Variants in MTR observed in about 807,000 individuals in gnomAD.
MTR encodes 5-methyltetrahydrofolate-homocysteine methyltransferase.
A neutral mutation model predicts 154.8 loss-of-function variants in MTR; 84 were observed. The observed-to-expected ratio is 0.54, with a 90% CI of 0.45 to 0.65. The LOEUF (loss-of-function observed/expected upper bound fraction) is 0.65, where lower values mean the gene tolerates loss of function less well. Among genes scored for constraint, MTR ranks in the 30% least tolerant of loss-of-function variants. The pLI is 0.00. For synonymous variants in MTR, 554 were observed against 553.9 expected, an observed-to-expected ratio of 1.00 and a Z score of 0.00; for missense variants, 1,275 against 1,570.2, an observed-to-expected ratio of 0.81 and a Z score of 3.18.
intron 5 of MTR, among the ~76,000 whole-genome samples, chr1:236,811,962 C>G (rs1389684380): frequency 6.6e-6 from 1 of 152,224 alleles, no homozygotes; most frequent in African/African-American, 2.4e-5. Context: ...CTTACTGCAG[C>G]CTCCACCTCC....
intron 1 of MTR, among the ~76,000 whole-genome samples, chr1:236,798,641 C>G (rs928179130): frequency 6.6e-6 from 1 of 152,158 alleles, no homozygotes; most frequent in Non-Finnish European, 1.5e-5. Flanking sequence ...AAAAATATTT[C>G]TGAAATAGTG....
intron 22 of MTR, among the ~76,000 whole-genome samples, chr1:236,870,300 G>A (rs968246655): frequency 3.9e-5 from 6 of 152,168 alleles, no homozygotes; most frequent in Non-Finnish European, 7.3e-5. Flanking sequence ...GTTCTTGGTC[G>A]TTTTCTTACC....
chr1:236,876,711 A>G lies in MTR; in HGVS notation c.2594+1865A>G, dbSNP rs16834501. Reference sequence around the variant, plus strand: ...TACTATGTAAAAGCTACCAGATTAAAGAAAAAAAAACATTGAGAAGCAACG... The same window carrying G: ...TACTATGTAAAAGCTACCAGATTAAGGAAAAAAAAACATTGAGAAGCAACG... On this transcript the variant is annotated intron_variant, in intron 24 of 32. Coordinates refer to ENST00000366577, the MANE Select transcript of MTR (RefSeq NM_000254.3). 7.0e-3 allele frequency among the ~76,000 whole-genome samples: 600 copies of G among 85,570 alleles called. 4 individuals carry two copies. Among genetic ancestry groups the G allele is most frequent in the African/African-American group, 0.027 (581 of 21,512 alleles). The allele number at this position is 85,570 out of a possible 152,430, so 56.1% of individuals were successfully genotyped here.
chr1:236,824,183 T>C lies in MTR; in HGVS notation c.829T>C (p.Cys277Arg). 1.2e-6 allele frequency: 2 copies of C among 1,614,014 alleles called. No individual in the cohort carries two copies. Among genetic ancestry groups the C allele is most frequent in the Middle Eastern group, 1.6e-4 (1 of 6,062 alleles). Residue 277 changes from cysteine to arginine, a missense_variant, in exon 9 of 33, where the codon TGT becomes CGT. Physicochemically the swap from Cys to Arg is radical, Grantham distance 180 (BLOSUM62 -3). Transcript: ENST00000366577. ...ACCTTTTATTGAAATAATTGGAAAA[T>C]GTACAACAGCCTATGTCCTCTGTTA... The part of the protein sequence containing the change: ...MRPFIEIIGK[C>R]TTAYVLCYPN...
At chr1:236,890,668 G>C (rs1666266801) in intron 28 of MTR, among the ~76,000 whole-genome samples, 1 of 152,192 alleles carries the variant, frequency 6.6e-6, no homozygotes, top group Admixed American at 6.5e-5. Context: ...TTCAGAGGTT[G>C]TTACGGTCAA....
Position 236,835,012 on chromosome 1 carries a change from G to A in MTR, c.1189-535G>A, listed in dbSNP as rs148704517. Reference sequence around the variant, plus strand: ...TTAACAGCCTGCAATGAATACTTTCGGCAGATACTGAAGAGTTATATAGTT... The same window carrying A: ...TTAACAGCCTGCAATGAATACTTTCAGCAGATACTGAAGAGTTATATAGTT... On this transcript the variant is annotated intron_variant, in intron 13 of 32. Transcript: ENST00000366577. Among the ~76,000 whole-genome samples, 498 of 152,122 alleles carry A rather than the reference G, an allele frequency of 3.3e-3. 3 individuals carry two copies. Among genetic ancestry groups the A allele is most frequent in the African/African-American group, 0.011 (453 of 41,472 alleles).
intron 17 of MTR, 60 bp from the exon 18 acceptor site, chr1:236,852,888 T>A (rs922423222): frequency 8.2e-6 from 13 of 1,592,964 alleles, no homozygotes; most frequent in South Asian, 1.1e-5. Flanking sequence ...GAGAAAAGTT[T>A]GCTGATCGCT....
At chr1:236,895,238 C>T in intron 30 of MTR, 120 bp from the exon 31 acceptor site, 4 of 1,110,786 alleles carry the variant, frequency 3.6e-6, no homozygotes, top group Non-Finnish European at 5.3e-6. Flanking sequence ...TCAAATTTCC[C>T]CTGGCTGTGG....
chr1:236,889,094 T>TTGGCAGAGCAGTGAGGAGC lies in MTR; in HGVS notation c.2852-80_2852-62dup. On this transcript the variant is annotated intron_variant, in intron 27 of 32. Coordinates refer to ENST00000366577, the MANE Select transcript of MTR (RefSeq NM_000254.3). ...ACAGGAGGGAGGCGGAGTGTGGGAGTTGGCAGAGCAGTGAGGAGCTGGCAG... is the reference window on the plus strand; with the variant it reads ...ACAGGAGGGAGGCGGAGTGTGGGAGTTGGCAGAGCAGTGAGGAGCTGGCAGAGCAGTGAGGAGCTGGCAG... 3.3e-6 allele frequency: 5 copies of TTGGCAGAGCAGTGAGGAGC among 1,522,540 alleles called. No individual in the cohort carries two copies. In the South Asian group the frequency reaches 5.6e-5, roughly 17 times the overall value. The allele number at this position is 1,522,540 out of a possible 1,614,324, so 94.3% of individuals were successfully genotyped here.
intron 1 of MTR, among the ~76,000 whole-genome samples, chr1:236,801,085 A>G (rs927460001): frequency 6.6e-6 from 1 of 152,152 alleles, no homozygotes; most frequent in Non-Finnish European, 1.5e-5. Context: ...TACCGTGTCG[A>G]CTATAGCTTG....
chr1:236,836,652 A>C (rs1572237785), intron 14 of MTR, among the ~76,000 whole-genome samples: 2 of 152,240 alleles, frequency 1.3e-5, no homozygotes, highest in Admixed American at 1.3e-4. Context: ...CAGCAGATTT[A>C]AGTTAGAGTC....
chr1:236,839,240 A>G (rs146727085), intron 15 of MTR, among the ~76,000 whole-genome samples: 1,615 of 152,356 alleles, frequency 0.011, 21 homozygotes, highest in South Asian at 0.042. Context: ...ATTTCCAACC[A>G]TATACTAAAA....
Position 236,861,100 on chromosome 1 carries a change from T to TCTTTC in MTR, c.2044-25_2044-24insCTTTC, listed in dbSNP as rs1402850026. The TCTTTC allele has an allele frequency of 2.2e-6, 3 of 1,355,070 alleles. No individual in the cohort carries two copies. The East Asian group carries it at 7.8e-5, about 35-fold the overall frequency. The allele number at this position is 1,355,070 out of a possible 1,614,324, so 83.9% of individuals were successfully genotyped here. A position where few individuals can be genotyped will look rare whatever the true frequency, so the allele number is the denominator to read the frequency against. On this transcript the variant is annotated intron_variant, in intron 19 of 32. Transcript: ENST00000366577. ...TTTTTTTTCTTTCTTTCTTTTTCTT[T>TCTTTC]TTTTTTTTTTTTTGTCTTTTTTAGG...
intron 13 of MTR, among the ~76,000 whole-genome samples, chr1:236,832,917 AG>A (rs1662697082): frequency 6.6e-6 from 1 of 152,286 alleles, no homozygotes; most frequent in African/African-American, 2.4e-5. Context: ...CTGGTTGCCC[AG>A]TTTCACCACT....
intron 2 of MTR, among the ~76,000 whole-genome samples, chr1:236,804,525 A>G (rs141246586): frequency 2.4e-4 from 36 of 152,328 alleles, no homozygotes; most frequent in African/African-American, 8.2e-4. Context: ...CTTATATACC[A>G]TGAGTATTAA....
At chr1:236,854,661 T>C (rs77741950) in intron 18 of MTR, among the ~76,000 whole-genome samples, 5,343 of 152,274 alleles carry the variant, frequency 0.035, 297 homozygotes, top group African/African-American at 0.12. Context: ...ATGCTGTGTT[T>C]TTATCTTTTC....
chr1:236,840,715 C>T (rs1277683859), intron 15 of MTR, among the ~76,000 whole-genome samples: 10 of 152,164 alleles, frequency 6.6e-5, no homozygotes, highest in African/African-American at 2.4e-4. Context: ...ATTAAAACTC[C>T]ATGTTTTCTG....
intron 18 of MTR, among the ~76,000 whole-genome samples, chr1:236,856,459 C>G (rs2066191): frequency 0.65 from 97,788 of 151,524 alleles, 31,793 homozygotes; most frequent in South Asian, 0.71. Context: ...TCTCCTTCTT[C>G]TTTCTTCTTT....
chr1:236,824,398 C>A (rs570862700), intron 9 of MTR, among the ~76,000 whole-genome samples, 179 bp downstream of exon 9: 1 of 152,178 alleles, frequency 6.6e-6, no homozygotes, highest in Admixed American at 6.5e-5. Flanking sequence ...AAGTTCGGCT[C>A]ACCCTGAAGC....
Sources: allele counts gnomAD v4.1 joint callset (sites outside exome capture counted in the v4.1 genomes callset), GRCh38; gene constraint gnomAD v4.1.1; transcripts MANE v1.5; gene names NCBI Gene and HGNC (gene_info 2026-07-23, HGNC 2026-07-21).